Variants in ZRANB3 observed in about 807,000 individuals in gnomAD.
ZRANB3 encodes the protein zinc finger RANBP2-type containing 3.
Under a neutral mutation model 133.8 loss-of-function variants are expected in ZRANB3, and 125 were observed. The observed-to-expected ratio is 0.93, with a 90% CI of 0.81 to 1.08. The LOEUF is 1.08. ZRANB3 is among the 50% of genes least tolerant of loss of function. ZRANB3 has a pLI of 0.00. For synonymous variants in ZRANB3, 387 were observed against 432.7 expected, an observed-to-expected ratio of 0.89 and a Z score of 1.31; for missense variants, 1,229 against 1,275.5, an observed-to-expected ratio of 0.96 and a Z score of 0.56.
chr2:135,239,588 C>T (rs910395217), intron 12 of ZRANB3, among the ~76,000 whole-genome samples: 3 of 152,072 alleles, frequency 2.0e-5, no homozygotes, highest in Admixed American at 1.3e-4. Flanking sequence ...TCAAATACTA[C>T]AAAAAGTTAT....
intron 8 of ZRANB3, among the ~76,000 whole-genome samples, chr2:135,277,595 T>C (rs1047706917): frequency 6.6e-6 from 1 of 152,164 alleles, no homozygotes; most frequent in Non-Finnish European, 1.5e-5. Flanking sequence ...TCATTGGTTA[T>C]TAAGCTAAGG....
At chr2:135,460,225 G>C (rs1302727627) in intron 2 of ZRANB3, among the ~76,000 whole-genome samples, 1 of 151,236 alleles carries the variant, frequency 6.6e-6, no homozygotes, top group East Asian at 1.9e-4. Flanking sequence ...TAATTTTTCT[G>C]TTTACTGCTT....
At chr2:135,287,633 G>A (rs1231459929) in intron 8 of ZRANB3, among the ~76,000 whole-genome samples, 1 of 147,280 alleles carries the variant, frequency 6.8e-6, no homozygotes, top group Non-Finnish European at 1.5e-5. Context: ...TTTCCTCGTA[G>A]AGGTCTTTCA....
Position 135,265,666 on chromosome 2 carries a change from T to C in ZRANB3, c.1407A>G (p.Thr469=). ...LNRKAQVTGS[T]LNGRKEKIQA... is the part of the protein sequence containing the mutation. ...GAATTTTTTCTTTCCTACCGTTCAG[T>C]GTGCTCCCTGTAACTTGAGCCTACA... Residue 469 remains threonine (T), a synonymous_variant, in exon 12 of 21, where the codon ACA becomes ACG. Transcript: ENST00000264159. The C allele has an allele frequency of 2.5e-6, 4 of 1,613,500 alleles. No individual in the cohort carries two copies. The South Asian group carries it at 3.3e-5, about 13-fold the overall frequency.
intron 1 of ZRANB3, among the ~76,000 whole-genome samples, chr2:135,527,930 T>C (rs1356738215): frequency 1.3e-5 from 2 of 152,218 alleles, no homozygotes; most frequent in Non-Finnish European, 2.9e-5. Context: ...TGGCAAAAGA[T>C]GGCTTACAAG....
chr2:135,328,473 T>C (rs980713419), intron 6 of ZRANB3, among the ~76,000 whole-genome samples: 6 of 152,160 alleles, frequency 3.9e-5, no homozygotes, highest in South Asian at 2.1e-4. Flanking sequence ...TGATGGACAT[T>C]TGGTTTGGTT....
intron 2 of ZRANB3, among the ~76,000 whole-genome samples, chr2:135,402,787 T>C (rs889105478): frequency 2.6e-5 from 4 of 152,096 alleles, no homozygotes; most frequent in South Asian, 2.1e-4. Context: ...GGTTGCACCA[T>C]GTTGGCCAGA....
At chr2:135,364,736 CAG>C (rs1187122364) in intron 3 of ZRANB3, among the ~76,000 whole-genome samples, 1 of 151,650 alleles carries the variant, frequency 6.6e-6, no homozygotes, top group Non-Finnish European at 1.5e-5. Flanking sequence ...TAGGCTATGA[CAG>C]AGAGAGACCC....
At chr2:135,465,599 T>C (rs1180581774) in intron 2 of ZRANB3, among the ~76,000 whole-genome samples, 2 of 152,146 alleles carry the variant, frequency 1.3e-5, no homozygotes, top group Non-Finnish European at 2.9e-5. Flanking sequence ...TCAAAAAAAA[T>C]ATGAAATGTC....
intron 8 of ZRANB3, among the ~76,000 whole-genome samples, chr2:135,293,039 G>C (rs1681842936): frequency 6.6e-6 from 1 of 152,030 alleles, no homozygotes; most frequent in Non-Finnish European, 1.5e-5. Context: ...GATGCCTCCA[G>C]CTTTGTTCTT....
At chr2:135,399,293 T>C (rs924845088) in intron 2 of ZRANB3, among the ~76,000 whole-genome samples, 1 of 152,210 alleles carries the variant, frequency 6.6e-6, no homozygotes, top group Admixed American at 6.5e-5. Context: ...CATATGTGAA[T>C]TATAGATCAG....
intron 1 of ZRANB3, chr2:135,510,577 C>T: frequency 1.4e-6 from 1 of 725,448 alleles, no homozygotes. Flanking sequence ...TCTTCCCACT[C>T]CAAATCCTGC....
chr2:135,502,315 T>C (rs1464908006), intron 2 of ZRANB3, among the ~76,000 whole-genome samples: 1 of 152,194 alleles, frequency 6.6e-6, no homozygotes, highest in Non-Finnish European at 1.5e-5. Flanking sequence ...GAATTTTGCT[T>C]TATGAACAGC....
chr2:135,236,953 AC>A (rs1437721984), intron 12 of ZRANB3, among the ~76,000 whole-genome samples: 1 of 152,126 alleles, frequency 6.6e-6, no homozygotes, highest in African/African-American at 2.4e-5. Context: ...ATCTAATTAA[AC>A]TAAAGAGCTT....
intron 2 of ZRANB3, among the ~76,000 whole-genome samples, chr2:135,475,038 C>T (rs1443867780): frequency 1.3e-5 from 2 of 152,168 alleles, no homozygotes; most frequent in Admixed American, 6.5e-5. Context: ...TGGTAAGAAC[C>T]ATGGCATGCT....
chr2:135,520,699 C>A (rs1693898618), intron 1 of ZRANB3, among the ~76,000 whole-genome samples: 1 of 152,088 alleles, frequency 6.6e-6, no homozygotes, highest in South Asian at 2.1e-4. Flanking sequence ...ATTCTCCTGT[C>A]TCAGCCTCCC....
intron 2 of ZRANB3, among the ~76,000 whole-genome samples, chr2:135,422,328 T>C (rs1300291992): frequency 6.6e-6 from 1 of 152,186 alleles, no homozygotes; most frequent in Non-Finnish European, 1.5e-5. Context: ...GTCAAAGCCA[T>C]GAATGATATA....
intron 2 of ZRANB3, among the ~76,000 whole-genome samples, chr2:135,437,206 C>A (rs1030271440): frequency 6.6e-6 from 1 of 152,168 alleles, no homozygotes; most frequent in African/African-American, 2.4e-5. Context: ...GATCTACCCA[C>A]CTCAACCTCC....
At chr2:135,320,874 A>T (rs1683490224) in intron 6 of ZRANB3, among the ~76,000 whole-genome samples, 1 of 152,342 alleles carries the variant, frequency 6.6e-6, no homozygotes, top group Non-Finnish European at 1.5e-5. Context: ...CTGGAATGTT[A>T]TGTAATATAA....
Sources: allele counts gnomAD v4.1 joint callset (sites outside exome capture counted in the v4.1 genomes callset), GRCh38; gene constraint gnomAD v4.1.1; transcripts MANE v1.5; gene names NCBI Gene and HGNC (gene_info 2026-07-23, HGNC 2026-07-21).